The following GLIS3 variants were observed in gnomAD, a reference collection of about 807,000 sequenced individuals.
The protein encoded by GLIS3 is zinc finger protein GLIS3.
In GLIS3, 53 loss-of-function variants were observed where a neutral mutation model predicts 78.6. That is an observed-to-expected ratio of 0.67 (90% CI 0.54 to 0.85). The LOEUF (loss-of-function observed/expected upper bound fraction) is 0.85, where lower values mean the gene tolerates loss of function less well. GLIS3 is among the 40% of genes least tolerant of loss of function. The pLI is 0.00. For missense variants in GLIS3, 1,703 were observed against 1,231.1 expected (o/e 1.38, Z -5.74); for synonymous variants, 684 against 509.9 (o/e 1.34, Z -4.60).
intron 2 of GLIS3, among the ~76,000 whole-genome samples, chr9:4,279,175 T>G (rs1827297606): frequency 6.6e-6 from 1 of 151,148 alleles, no homozygotes; most frequent in South Asian, 2.1e-4. Context: ...GGCAGGCACC[T>G]GTAATCCCAG....
At chr9:4,422,517 C>T in the GLIS3 span, among the ~76,000 whole-genome samples, 23 of 152,304 alleles carry the variant, frequency 1.5e-4, no homozygotes, top group African/African-American at 5.5e-4. Flanking sequence ...GATTCTGTTT[C>T]CCCTGGAAAA....
chr9:4,288,770 A>C (rs963776275), intron 1 of GLIS3, among the ~76,000 whole-genome samples: 3 of 152,150 alleles, frequency 2.0e-5, no homozygotes, highest in Admixed American at 2.0e-4. Context: ...CTTAAATTTT[A>C]TTACTAAGAA....
At chr9:3,831,136 T>G (rs753556721) in intron 9 of GLIS3, among the ~76,000 whole-genome samples, 28 of 152,026 alleles carry the variant, frequency 1.8e-4, no homozygotes, top group Middle Eastern at 3.4e-3. Flanking sequence ...GCACTTTATA[T>G]AGAATCAAAA....
chr9:4,344,170 T>G (rs1326453063), intron 2 of GLIS3, among the ~76,000 whole-genome samples: 2 of 152,134 alleles, frequency 1.3e-5, no homozygotes, highest in East Asian at 3.8e-4. Context: ...ACTTCTCTGG[T>G]CCCCTTTACA....
At chr9:4,262,277 T>C (rs1825602982) in intron 2 of GLIS3, among the ~76,000 whole-genome samples, 1 of 152,184 alleles carries the variant, frequency 6.6e-6, no homozygotes, top group Non-Finnish European at 1.5e-5. Flanking sequence ...AATCCTCATT[T>C]GAGAGAAACT....
chr9:4,243,119 CCT>C (rs369976435), intron 2 of GLIS3, among the ~76,000 whole-genome samples: 34 of 152,196 alleles, frequency 2.2e-4, no homozygotes, highest in African/African-American at 7.7e-4. Flanking sequence ...CACCAAGAAT[CCT>C]CTCTTGAGAA....
intron 6 of GLIS3, among the ~76,000 whole-genome samples, chr9:3,916,061 CAA>C (rs898448523): frequency 5.3e-5 from 8 of 152,054 alleles, no homozygotes; most frequent in Non-Finnish European, 8.8e-5. Flanking sequence ...ATCTTAGAAA[CAA>C]AGAGTAGAAA....
chr9:4,337,995 C>G (rs1227463404), intron 2 of GLIS3, among the ~76,000 whole-genome samples: 1 of 151,486 alleles, frequency 6.6e-6, no homozygotes, highest in East Asian at 2.0e-4. Context: ...TGCTCTTTCT[C>G]TAATGTCTAA....
intron 7 of GLIS3, among the ~76,000 whole-genome samples, chr9:3,886,805 G>T (rs984328734): frequency 5.3e-5 from 8 of 152,226 alleles, no homozygotes; most frequent in African/African-American, 1.9e-4. Flanking sequence ...CAAGGAAAAT[G>T]CCCTGTCAGG....
intron 1 of GLIS3, among the ~76,000 whole-genome samples, chr9:4,297,415 G>C (rs780583366): frequency 1.3e-5 from 2 of 152,182 alleles, no homozygotes; most frequent in Non-Finnish European, 2.9e-5. Context: ...GTCCACTCTA[G>C]CTTTAATAGT....
intron 2 of GLIS3, among the ~76,000 whole-genome samples, chr9:4,154,482 T>C (rs1469014219): frequency 1.3e-5 from 2 of 152,122 alleles, no homozygotes; most frequent in Admixed American, 1.3e-4. Flanking sequence ...CAGATATAAC[T>C]ACAAAAATAT....
At chr9:4,311,888 G>A (rs1028732233) in intron 2 of GLIS3, among the ~76,000 whole-genome samples, 7 of 152,168 alleles carry the variant, frequency 4.6e-5, no homozygotes, top group South Asian at 2.1e-4. Context: ...AAACAGAAAA[G>A]ATCCTTTAAA....
chr9:4,349,680 G>A (rs1319840926), upstream of GLIS3, among the ~76,000 whole-genome samples: 1 of 152,068 alleles, frequency 6.6e-6, no homozygotes, highest in Non-Finnish European at 1.5e-5. Flanking sequence ...AGGACACACA[G>A]AGCATCACTC....
At chr9:4,435,666 T>C in the GLIS3 span, among the ~76,000 whole-genome samples, 1 of 152,220 alleles carries the variant, frequency 6.6e-6, no homozygotes, top group Non-Finnish European at 1.5e-5. Context: ...AATCTTCCCC[T>C]AGGCCAGGCG....
At chr9:4,381,618 A>G in the GLIS3 span, among the ~76,000 whole-genome samples, 2 of 151,108 alleles carry the variant, frequency 1.3e-5, no homozygotes, top group Non-Finnish European at 2.9e-5. Flanking sequence ...CAACTGGGGC[A>G]TGCCTGTTTG....
chr9:4,180,721 T>C (rs1325145810), intron 2 of GLIS3, among the ~76,000 whole-genome samples: 6 of 152,324 alleles, frequency 3.9e-5, no homozygotes, highest in Admixed American at 2.0e-4. Flanking sequence ...ATTGATTTTA[T>C]TTTACATATG....
intron 2 of GLIS3, among the ~76,000 whole-genome samples, chr9:4,335,437 T>C (rs898581257): frequency 5.3e-5 from 8 of 152,158 alleles, no homozygotes; most frequent in Non-Finnish European, 8.8e-5. Context: ...AATAAAAAGA[T>C]CTGGTAATGC....
intron 2 of GLIS3, among the ~76,000 whole-genome samples, chr9:4,138,320 G>A (rs1833560061): frequency 6.6e-6 from 1 of 152,190 alleles, no homozygotes; most frequent in Admixed American, 6.5e-5. Flanking sequence ...TTGGTCCTAG[G>A]CCGTACAGCT....
At chr9:4,253,713 T>C (rs1172273365) in intron 2 of GLIS3, among the ~76,000 whole-genome samples, 1 of 152,314 alleles carries the variant, frequency 6.6e-6, no homozygotes, top group Middle Eastern at 3.4e-3. Context: ...AGTTTTGTGC[T>C]TGAAACCCAC....
Sources: allele counts gnomAD v4.1 joint callset (sites outside exome capture counted in the v4.1 genomes callset), GRCh38; gene constraint gnomAD v4.1.1; transcripts MANE v1.5; gene names NCBI Gene and HGNC (gene_info 2026-07-23, HGNC 2026-07-21).